Variants in FGF14 observed in about 807,000 individuals in gnomAD.
FGF14 encodes the protein fibroblast growth factor 14, also known as fibroblast growth factor homologous factor 4.
In FGF14, 5 loss-of-function variants were observed where a neutral mutation model predicts 25.5. The observed-to-expected ratio is 0.20, with a 90% CI of 0.10 to 0.41. The LOEUF is 0.41. Ranked by LOEUF, FGF14 falls within the 10% of genes least tolerant of loss-of-function variation. The pLI is 1.00. For synonymous variants in FGF14, 138 were observed against 118.3 expected, an observed-to-expected ratio of 1.17 and a Z score of -1.08; for missense variants, 222 against 320.1, an observed-to-expected ratio of 0.69 and a Z score of 2.34.
At chr13:101,945,941 G>C (rs2035776835) in intron 1 of FGF14, among the ~76,000 whole-genome samples, 1 of 151,618 alleles carries the variant, frequency 6.6e-6, no homozygotes, top group African/African-American at 2.4e-5. Context: ...GGGTCACTAG[G>C]GAATTTATTC....
intron 1 of FGF14, among the ~76,000 whole-genome samples, chr13:102,048,477 A>G (rs1348658019): frequency 2.0e-5 from 3 of 152,244 alleles, no homozygotes; most frequent in East Asian, 3.9e-4. Flanking sequence ...GGTAAATTAT[A>G]ATTTCCATCT....
At chr13:102,128,802 G>T (rs938754382) in intron 1 of FGF14, among the ~76,000 whole-genome samples, 1 of 152,146 alleles carries the variant, frequency 6.6e-6, no homozygotes, top group Admixed American at 6.5e-5. Flanking sequence ...TAAAAATTAG[G>T]CTGGGCAAGG....
At chr13:102,228,220 C>T (rs2050915183) in intron 1 of FGF14, among the ~76,000 whole-genome samples, 1 of 152,182 alleles carries the variant, frequency 6.6e-6, no homozygotes, top group African/African-American at 2.4e-5. Context: ...GTATGTTGGA[C>T]AGTTTTTCTT....
intron 1 of FGF14, among the ~76,000 whole-genome samples, chr13:101,912,407 T>C (rs1374589945): frequency 6.6e-6 from 1 of 152,150 alleles, no homozygotes; most frequent in Non-Finnish European, 1.5e-5. Context: ...GAAAGGTTAT[T>C]ATCCTGTGAA....
intron 1 of FGF14, among the ~76,000 whole-genome samples, chr13:102,321,904 G>A (rs2056257903): frequency 6.6e-6 from 1 of 152,256 alleles, no homozygotes; most frequent in East Asian, 1.9e-4. Flanking sequence ...GTAGAAAGTG[G>A]CATTTAAATG....
chr13:101,933,765 T>C (rs941036503), intron 1 of FGF14, among the ~76,000 whole-genome samples: 1 of 152,138 alleles, frequency 6.6e-6, no homozygotes. Flanking sequence ...ATATAATGTA[T>C]TGGTATATTT....
chr13:101,999,514 G>A (rs2039366278), intron 1 of FGF14, among the ~76,000 whole-genome samples: 1 of 152,126 alleles, frequency 6.6e-6, no homozygotes, highest in South Asian at 2.1e-4. Flanking sequence ...TGAAAGGCTG[G>A]GAGGACAGAA....
intron 1 of FGF14, among the ~76,000 whole-genome samples, chr13:101,977,940 T>TAA (rs10708269): frequency 3.5e-4 from 48 of 137,896 alleles, no homozygotes; most frequent in African/African-American, 9.3e-4. Flanking sequence ...TTTCTCAATG[T>TAA]AAAAAAAAAA....
At chr13:102,132,365 T>C (rs1391085648) in intron 1 of FGF14, among the ~76,000 whole-genome samples, 2 of 152,196 alleles carry the variant, frequency 1.3e-5, no homozygotes, top group East Asian at 1.9e-4. Context: ...TATTGGTACA[T>C]TTTAAGACAT....
intron 1 of FGF14, among the ~76,000 whole-genome samples, chr13:102,117,531 A>G (rs551419359): frequency 3.3e-5 from 5 of 150,806 alleles, no homozygotes; most frequent in East Asian, 2.0e-4. Flanking sequence ...CCCTGAAGAC[A>G]TATCTCTAGA....
chr13:102,376,418 A>T (rs1192278456), intron 1 of FGF14, among the ~76,000 whole-genome samples: 1 of 152,208 alleles, frequency 6.6e-6, no homozygotes, highest in Non-Finnish European at 1.5e-5. Context: ...TAGCAGTATA[A>T]GAACAGACTA....
At chr13:101,985,856 T>TA (rs35411203) in intron 1 of FGF14, among the ~76,000 whole-genome samples, 2 of 151,904 alleles carry the variant, frequency 1.3e-5, no homozygotes, top group Non-Finnish European at 2.9e-5. Context: ...CCCATGTTCT[T>TA]AAAAAAAAGT....
At chr13:101,784,671 A>T (rs980738852) in intron 3 of FGF14, among the ~76,000 whole-genome samples, 1 of 152,022 alleles carries the variant, frequency 6.6e-6, no homozygotes, top group Non-Finnish European at 1.5e-5. Context: ...TTTCCCAGCT[A>T]TTTTCCCATT....
chr13:102,336,842 C>T (rs150867685), intron 1 of FGF14, among the ~76,000 whole-genome samples: 7 of 152,284 alleles, frequency 4.6e-5, no homozygotes, highest in Middle Eastern at 3.4e-3. Context: ...ATAAATAGAA[C>T]AATAAAGCCT....
Position 101,854,082 on chromosome 13 carries a change from G to A in FGF14, c.408+14643C>T, listed in dbSNP as rs558444947. Among the ~76,000 whole-genome samples the A allele has an allele frequency of 1.1e-4, 17 of 152,016 alleles. 1 individual carries two copies. In the South Asian group the frequency reaches 3.3e-3, roughly 30 times the overall value. On this transcript the variant is annotated intron_variant, in intron 3 of 4. Coordinates refer to ENST00000376143, the MANE Select transcript of FGF14 (RefSeq NM_004115.4). Reference sequence around the variant, plus strand: ...AGTACTGTTGAGATATGTTCCTAACGCAGGCAAACACAATGTTAGAAATTA... The same window carrying A: ...AGTACTGTTGAGATATGTTCCTAACACAGGCAAACACAATGTTAGAAATTA...
intron 1 of FGF14, among the ~76,000 whole-genome samples, chr13:102,164,266 A>C (rs931485137): frequency 6.6e-6 from 1 of 152,204 alleles, no homozygotes; most frequent in African/African-American, 2.4e-5. Context: ...AAATCTCCAA[A>C]GCAGTGTGCA....
chr13:101,742,400 T>G (rs991939798), intron 3 of FGF14, among the ~76,000 whole-genome samples: 2 of 152,118 alleles, frequency 1.3e-5, no homozygotes, highest in African/African-American at 4.8e-5. Context: ...GAAAAACCAG[T>G]GATTATTGAG....
chr13:102,044,929 G>A (rs1027320896), intron 1 of FGF14, among the ~76,000 whole-genome samples: 4 of 152,070 alleles, frequency 2.6e-5, no homozygotes, highest in Non-Finnish European at 5.9e-5. Flanking sequence ...ACTCTGACTT[G>A]CTACCATGGC....
intron 1 of FGF14, among the ~76,000 whole-genome samples, chr13:102,328,074 C>T (rs2056518935): frequency 1.3e-5 from 2 of 151,754 alleles, no homozygotes; most frequent in African/African-American, 2.4e-5. Flanking sequence ...ACTCATAAGT[C>T]TCCCTATTAT....
Sources: gnomAD v4.1 joint callset for allele counts (sites outside exome capture counted in the v4.1 genomes callset) on GRCh38, gnomAD v4.1.1 for gene constraint, MANE v1.5 for transcripts, NCBI Gene and HGNC (gene_info 2026-07-23, HGNC 2026-07-21) for gene names.